The following DNAI2 variants were observed in gnomAD, a reference collection of about 807,000 sequenced individuals.
DNAI2 encodes the protein dynein axonemal intermediate chain 2.
A neutral mutation model predicts 74.7 loss-of-function variants in DNAI2; 63 were observed. The observed-to-expected ratio is 0.84, with a 90% CI of 0.69 to 1.04. DNAI2 has a LOEUF of 1.04. DNAI2 is among the 50% of genes least tolerant of loss of function. The pLI is 0.00. For missense variants in DNAI2, 688 were observed against 803.2 expected, an observed-to-expected ratio of 0.86 and a Z score of 1.73; for synonymous variants, 289 against 314.9, an observed-to-expected ratio of 0.92 and a Z score of 0.87.
chr17:74,303,502 G>A (rs533451291), intron 8 of DNAI2, among the ~76,000 whole-genome samples: 10 of 152,092 alleles, frequency 6.6e-5, no homozygotes, highest in East Asian at 1.9e-4. Flanking sequence ...GTGCAGTTGT[G>A]TAATCTCAGC....
intron 8 of DNAI2, among the ~76,000 whole-genome samples, 172 bp from the exon 9 acceptor site, chr17:74,305,047 G>A (rs8067840): frequency 6.6e-6 from 1 of 152,096 alleles, no homozygotes; most frequent in Non-Finnish European, 1.5e-5. Context: ...GGTCTGAGGA[G>A]CCCGGGAAGA....
chr17:74,286,759 C>A (rs1261298902), intron 3 of DNAI2, among the ~76,000 whole-genome samples: 4 of 152,170 alleles, frequency 2.6e-5, no homozygotes, highest in African/African-American at 9.7e-5. Flanking sequence ...TACTGTATAT[C>A]TGTTCATGCG....
chr17:74,288,124 C>A (rs2051861888), intron 4 of DNAI2, among the ~76,000 whole-genome samples: 1 of 152,272 alleles, frequency 6.6e-6, no homozygotes, highest in African/African-American at 2.4e-5. Flanking sequence ...TGCAAGGCTG[C>A]AAAAGCAATG....
rs1221500692 is a variant in DNAI2, at chr17:74,301,137, G to A, written c.956G>A (p.Gly319Glu). 2.5e-6 allele frequency: 4 copies of A among 1,613,988 alleles called. No individual in the cohort carries two copies. The highest frequency in any genetic ancestry group is 3.4e-6 in the Non-Finnish European group (4 of 1,179,946). ...TKKEQLENAL[G>E]AISLEFESTL... ...AAGGAACAGTTGGAAAATGCCTTGG[G>A]GGCCATCTCCCTGGAGTTCGAATCT... Residue 319 changes from glycine (G) to glutamate (E), a missense_variant, in exon 8 of 14, where the codon GGG (glycine) becomes GAG (glutamate). Physicochemically the swap from Gly to Glu is moderately conservative, Grantham distance 98. Transcript: ENST00000311014.
chr17:74,280,043 G>A (rs952015829), intron 1 of DNAI2, among the ~76,000 whole-genome samples: 7 of 152,142 alleles, frequency 4.6e-5, no homozygotes, highest in African/African-American at 1.7e-4. Flanking sequence ...GCTGGCAGAC[G>A]GAAATCTCTG....
chr17:74,289,023 G>A (rs1480300700), intron 4 of DNAI2, among the ~76,000 whole-genome samples: 1 of 152,198 alleles, frequency 6.6e-6, no homozygotes, highest in Non-Finnish European at 1.5e-5. Context: ...TTAGGGGCCT[G>A]GGAAGTACCT....
At chr17:74,274,795 G>A (rs776979362) in intron 1 of DNAI2, among the ~76,000 whole-genome samples, 22 of 152,202 alleles carry the variant, frequency 1.4e-4, no homozygotes, top group Non-Finnish European at 2.8e-4. Flanking sequence ...CACCTGCTAG[G>A]TGGCAGGTGT....
Position 74,281,793 on chromosome 17 carries a change from C to T in DNAI2, c.-11-14C>T. On this transcript the variant is annotated splice_polypyrimidine_tract_variant and intron_variant, in intron 1 of 13. Transcript: ENST00000311014. ...GTGGGGTCCCTCACCCCACACCCTC[C>T]CTCTGCCCCCCAGCAGCCGGCACCA... The T allele has an allele frequency of 6.2e-7, 1 of 1,612,890 alleles. No individual in the cohort carries two copies. The highest frequency in any genetic ancestry group is 8.5e-7 in the Non-Finnish European group (1 of 1,179,968).
At position 74,286,840 on chromosome 17, in the gene DNAI2, C is replaced by T. The variant is rs1013295843; in HGVS notation, c.346-137C>T. 3.6e-6 allele frequency: 4 copies of T among 1,116,504 alleles called. No individual in the cohort carries two copies. In the African/African-American group the frequency reaches 4.6e-5, roughly 13 times the overall value. The allele number at this position is 1,116,504 out of a possible 1,614,324, so 69.2% of individuals were successfully genotyped here. On this transcript the variant is annotated intron_variant, in intron 3 of 13. Coordinates refer to ENST00000311014, the MANE Select transcript of DNAI2 (RefSeq NM_023036.6). ...ACCCCCAGGAACCAATTGAAAATTC[C>T]TCCATTGAAAGCACATGGTTAGGTG...
Position 74,314,269 on chromosome 17 carries a change from T to C in DNAI2, c.*53T>C, listed in dbSNP as rs2053701032. The C allele has an allele frequency of 3.1e-6, 5 of 1,611,450 alleles. No individual in the cohort carries two copies. The highest frequency in any genetic ancestry group is 4.2e-6 in the Non-Finnish European group (5 of 1,178,340). On this transcript the variant is annotated splice_region_variant and 3_prime_UTR_variant, in exon 13 of 14. Transcript: ENST00000311014. ...CCTGTGTGCCTTCCTTTCCCACCTCTTGGTATTGCCCCGCTCTCACAAGTG... is the reference window on the plus strand; with the variant it reads ...CCTGTGTGCCTTCCTTTCCCACCTCCTGGTATTGCCCCGCTCTCACAAGTG...
chr17:74,287,101 A>G lies in DNAI2; in HGVS notation c.467+3A>G, dbSNP rs751915388. The stretch of plus-strand genomic sequence containing the variant: ...GCTAAAACCATCAATGTGTTCAGGT[A>G]GCGCCATAGCCAGGCAGGTGTCTGG... On this transcript the variant is annotated splice_donor_region_variant and intron_variant, in intron 4 of 13. Coordinates refer to ENST00000311014, the MANE Select transcript of DNAI2 (RefSeq NM_023036.6). 14 of 1,613,596 alleles carry G rather than the reference A, an allele frequency of 8.7e-6. No individual in the cohort carries two copies. The Admixed American group carries it at 2.2e-4, about 25-fold the overall frequency.
chr17:74,299,245 G>C (rs1423047553), intron 6 of DNAI2, among the ~76,000 whole-genome samples: 1 of 152,206 alleles, frequency 6.6e-6, no homozygotes, highest in African/African-American at 2.4e-5. Flanking sequence ...CAAAGGATAA[G>C]AGGAAATGGG....
At chr17:74,279,138 G>T (rs904938612) in intron 1 of DNAI2, among the ~76,000 whole-genome samples, 1 of 152,188 alleles carries the variant, frequency 6.6e-6, no homozygotes, top group Non-Finnish European at 1.5e-5. Flanking sequence ...CTGCACTCCA[G>T]CCTGGGTGAC....
rs376327428 is a variant in DNAI2, at chr17:74,305,230, C to T, written c.999C>T (p.Phe333=). The T allele has an allele frequency of 6.2e-7, 1 of 1,614,038 alleles. No homozygotes were observed. The highest frequency in any genetic ancestry group is 8.5e-7 in the Non-Finnish European group (1 of 1,180,050). Reference sequence around the variant, plus strand: ...CACTCCTTCCACAGCCCACCAAGTTCATGGTGGGGACCGAGCAGGGCATCG... The same window carrying T: ...CACTCCTTCCACAGCCCACCAAGTTTATGGTGGGGACCGAGCAGGGCATCG... The part of the protein sequence containing the change: ...LEFESTLPTK[F]MVGTEQGIVI... The change falls in exon 9 of 14, where the codon TTC becomes TTT. Residue 333 remains phenylalanine (F), a synonymous_variant. Transcript: ENST00000311014.
In DNAI2 at chr17:74,300,360, C is replaced by T. The variant is rs2052692136; in HGVS notation, c.864+503C>T. On this transcript the variant is annotated intron_variant, in intron 7 of 13. Coordinates refer to ENST00000311014, the MANE Select transcript of DNAI2 (RefSeq NM_023036.6). This position sits in a 1 kb window ranked among gnomAD's most constrained non-coding sequence, Gnocchi z 4.5. Reference sequence around the variant, plus strand: ...CCTCTGCCTGCACCTCCTCCCCTCCCTCCCTCTCTTATGTCTGCCTTCAGA... The same window carrying T: ...CCTCTGCCTGCACCTCCTCCCCTCCTTCCCTCTCTTATGTCTGCCTTCAGA... Among the ~76,000 whole-genome samples the T allele has an allele frequency of 6.6e-6, 1 of 152,210 alleles. No individual in the cohort carries two copies. Among genetic ancestry groups the T allele is most frequent in the Admixed American group, 6.5e-5 (1 of 15,278 alleles).
intron 3 of DNAI2, among the ~76,000 whole-genome samples, chr17:74,286,297 AAATAATAAT>A (rs10637482): frequency 0.15 from 20,750 of 140,560 alleles, 1,676 homozygotes; most frequent in Non-Finnish European, 0.18. Flanking sequence ...CTGTGTCTCA[AAATAATAAT>A]AATAATAATA....
chr17:74,279,527 C>G (rs2051276927), intron 1 of DNAI2, among the ~76,000 whole-genome samples: 1 of 152,060 alleles, frequency 6.6e-6, no homozygotes, highest in African/African-American at 2.4e-5. Context: ...GGCAAACCTG[C>G]TCACGTAATC....
chr17:74,281,879 C>T lies in DNAI2; in HGVS notation c.62C>T (p.Ser21Leu), dbSNP rs780958998. 29 of 1,614,038 alleles carry T rather than the reference C, an allele frequency of 1.8e-5. No individual in the cohort carries two copies. In the South Asian group the frequency reaches 2.9e-4, roughly 16 times the overall value. Residue 21 changes from serine (S) to leucine (L), a missense_variant, in exon 2 of 14, where the codon TCG becomes TTG. Coordinates refer to ENST00000311014, the MANE Select transcript of DNAI2 (RefSeq NM_023036.6). ...RSEFGKQCNF[S>L]DRQAELNIDI... ...GAGTTCGGGAAGCAGTGCAATTTCT[C>T]GGACCGCCAGGCCGAGCTGAACATC...
chr17:74,293,517 T>G (rs1335459701), intron 6 of DNAI2, among the ~76,000 whole-genome samples: 1 of 151,820 alleles, frequency 6.6e-6, no homozygotes, highest in Non-Finnish European at 1.5e-5. Flanking sequence ...TCCTTTTACT[T>G]TTAACCTGTT....
Sources: allele counts gnomAD v4.1 joint callset (sites outside exome capture counted in the v4.1 genomes callset), GRCh38; gene constraint gnomAD v4.1.1; non-coding constraint Gnocchi (gnomAD v3.1); transcripts MANE v1.5; gene names NCBI Gene and HGNC (gene_info 2026-07-23, HGNC 2026-07-21).